The following SEMA3C variants were observed in gnomAD, a reference collection of about 807,000 sequenced individuals.
The protein encoded by SEMA3C is semaphorin-3C.
In SEMA3C, 47 loss-of-function variants were observed where a neutral mutation model predicts 89.4. That is an observed-to-expected ratio of 0.53 (90% CI 0.42 to 0.67). The LOEUF (loss-of-function observed/expected upper bound fraction) is 0.67. Ranked by LOEUF, SEMA3C falls within the 30% of genes least tolerant of loss-of-function variation. The pLI is 0.00. For missense variants in SEMA3C, 839 were observed against 929.1 expected, an observed-to-expected ratio of 0.90 and a Z score of 1.26; for synonymous variants, 310 against 320.2, an observed-to-expected ratio of 0.97 and a Z score of 0.34.
chr7:80,850,526 A>G (rs2115933238), intron 2 of SEMA3C, among the ~76,000 whole-genome samples: 1 of 152,334 alleles, frequency 6.6e-6, no homozygotes, highest in South Asian at 2.1e-4. Context: ...ATACTATGCA[A>G]TTCCATTTAC....
intron 2 of SEMA3C, among the ~76,000 whole-genome samples, chr7:80,907,405 T>C (rs1483069480): frequency 6.6e-6 from 1 of 152,062 alleles, no homozygotes; most frequent in African/African-American, 2.4e-5. Flanking sequence ...GTGATGATAA[T>C]ACACTCATTG....
chr7:80,789,498 G>A lies in SEMA3C; in HGVS notation c.1162C>T (p.Arg388Ter), dbSNP rs1328447911. Residue 388 changes from arginine (R) to a stop codon, truncating the protein, a stop_gained, in exon 12 of 18, where the codon CGA becomes TGA. Coordinates refer to ENST00000265361, the MANE Select transcript of SEMA3C (RefSeq NM_006379.5). LOFTEE classifies it high-confidence loss of function. Reference sequence around the variant, plus strand: ...TCATCTGGGAACTCCTTGGTGGTTCGCATATTGGGTGTAAATGCTCCTCCT... The same window carrying A: ...TCATCTGGGAACTCCTTGGTGGTTCACATATTGGGTGTAAATGCTCCTCCT... ...CPGGAFTPNM[R>*]TTKEFPDDVV... is the part of the protein sequence containing the mutation. The A allele has an allele frequency of 2.5e-6, 4 of 1,612,824 alleles. No homozygotes were observed. The South Asian group carries it at 3.3e-5, about 13-fold the overall frequency.
At chr7:80,915,253 G>A (rs1792242180) in intron 2 of SEMA3C, among the ~76,000 whole-genome samples, 1 of 152,168 alleles carries the variant, frequency 6.6e-6, no homozygotes. Context: ...ACCTCAAAGG[G>A]TCTGTTTTTC....
chr7:80,914,874 CTT>C (rs1487624572), intron 2 of SEMA3C, among the ~76,000 whole-genome samples: 1 of 152,186 alleles, frequency 6.6e-6, no homozygotes, highest in African/African-American at 2.4e-5. Context: ...CTGTCACTGT[CTT>C]ACACAGTTCT....
At position 80,744,215 on chromosome 7, in the gene SEMA3C, T is replaced by A. The variant is rs1341237422; in HGVS notation, c.*679A>T. 1 of 152,144 alleles carries A rather than the reference T, an allele frequency of 6.6e-6. No individual in the cohort carries two copies. Among genetic ancestry groups the A allele is most frequent in the Non-Finnish European group, 1.5e-5 (1 of 68,038 alleles). The allele number at this position is 152,144 out of a possible 1,614,324, so 9.4% of individuals were successfully genotyped here. A position where few individuals can be genotyped will look rare whatever the true frequency, so the allele number is the denominator to read the frequency against. On this transcript the variant is annotated 3_prime_UTR_variant, in exon 18 of 18. Transcript: ENST00000265361. Reference sequence around the variant, plus strand: ...TATAAACCAAACTGCTTCACTGATATAACTCCCACCAAATATCTTCATGGG... The same window carrying A: ...TATAAACCAAACTGCTTCACTGATAAAACTCCCACCAAATATCTTCATGGG...
At chr7:80,845,454 T>C (rs909827212) in intron 2 of SEMA3C, among the ~76,000 whole-genome samples, 1 of 152,002 alleles carries the variant, frequency 6.6e-6, no homozygotes, top group Non-Finnish European at 1.5e-5. Flanking sequence ...CAGTATATGA[T>C]AAATGCCTGT....
At chr7:80,878,309 C>A (rs184558497) in intron 2 of SEMA3C, among the ~76,000 whole-genome samples, 1 of 151,970 alleles carries the variant, frequency 6.6e-6, no homozygotes, top group South Asian at 2.1e-4. Flanking sequence ...ACCTGGGAGG[C>A]GGAGGTTGCG....
chr7:80,910,654 C>CTT (rs777385675), intron 2 of SEMA3C, among the ~76,000 whole-genome samples: 3,030 of 131,030 alleles, frequency 0.023, 69 homozygotes, highest in African/African-American at 0.065. Context: ...AATGCTCGTT[C>CTT]TTTTTTTTTT....
intron 4 of SEMA3C, among the ~76,000 whole-genome samples, chr7:80,821,420 T>C (rs1789743268): frequency 6.6e-6 from 1 of 151,966 alleles, no homozygotes; most frequent in Non-Finnish European, 1.5e-5. Flanking sequence ...CCACAGTTGT[T>C]TTTTTTTGGG....
intron 2 of SEMA3C, chr7:80,905,905 A>G (rs1792003355): frequency 1.5e-5 from 19 of 1,289,460 alleles, no homozygotes; most frequent in Non-Finnish European, 1.8e-5. Flanking sequence ...ACAGCATTGT[A>G]CAAGGTAGGC....
intron 2 of SEMA3C, among the ~76,000 whole-genome samples, chr7:80,909,446 A>G (rs1391470840): frequency 5.3e-5 from 8 of 152,172 alleles, no homozygotes; most frequent in Non-Finnish European, 1.2e-4. Flanking sequence ...GTACCTGATC[A>G]TTTTTATCAG....
chr7:80,874,361 A>G (rs1333667484), intron 2 of SEMA3C, among the ~76,000 whole-genome samples: 2 of 152,232 alleles, frequency 1.3e-5, no homozygotes, highest in African/African-American at 4.8e-5. Flanking sequence ...AATTATCAGA[A>G]TTATATCCAT....
chr7:80,815,575 T>TAAAAAAAAAAAAAAAAAAAAAAAAAAAAA (rs1789585531), intron 5 of SEMA3C, among the ~76,000 whole-genome samples: 12 of 82,016 alleles, frequency 1.5e-4, no homozygotes, highest in Admixed American at 6.5e-4. Context: ...AAAAAAAAAG[T>TAAAAAAAAAAAAAAAAAAAAAAAAAAAAA]AAATGTAGAG....
At chr7:80,878,293 G>T (rs755692680) in intron 2 of SEMA3C, among the ~76,000 whole-genome samples, 2 of 152,116 alleles carry the variant, frequency 1.3e-5, no homozygotes, top group Non-Finnish European at 2.9e-5. Flanking sequence ...CAGGAGAATC[G>T]CTTGAACCTG....
At chr7:80,875,101 CA>C (rs5885201) in intron 2 of SEMA3C, among the ~76,000 whole-genome samples, 6,090 of 144,014 alleles carry the variant, frequency 0.042, 315 homozygotes, top group African/African-American at 0.13. Flanking sequence ...AAAACAAAAC[CA>C]AAAAAAAAAA....
intron 2 of SEMA3C, among the ~76,000 whole-genome samples, chr7:80,916,187 C>T (rs182766221): frequency 6.6e-6 from 1 of 152,290 alleles, no homozygotes; most frequent in East Asian, 1.9e-4. Context: ...CTATGCCAAT[C>T]TCAGGAAATC....
chr7:80,853,546 T>C (rs1400392384), intron 2 of SEMA3C, among the ~76,000 whole-genome samples: 1 of 152,140 alleles, frequency 6.6e-6, no homozygotes, highest in African/African-American at 2.4e-5. Flanking sequence ...TTCTCACTCA[T>C]TTATGGGAGC....
At chr7:80,802,929 A>G (rs1396411454) in intron 8 of SEMA3C, 150 bp from the exon 9 acceptor site, 3 of 532,796 alleles carry the variant, frequency 5.6e-6, no homozygotes, top group African/African-American at 1.9e-5. Flanking sequence ...AAAGAGGAAT[A>G]TTTATGACTT....
At chr7:80,758,874 T>A (rs1344157557) in intron 14 of SEMA3C, among the ~76,000 whole-genome samples, 1 of 152,222 alleles carries the variant, frequency 6.6e-6, no homozygotes, top group Non-Finnish European at 1.5e-5. Flanking sequence ...GGCAACACGT[T>A]ACTTTGTAAA....
Sources: gnomAD v4.1 joint callset for allele counts (sites outside exome capture counted in the v4.1 genomes callset) on GRCh38, gnomAD v4.1.1 for gene constraint, MANE v1.5 for transcripts, NCBI Gene and HGNC (gene_info 2026-07-23, HGNC 2026-07-21) for gene names.